The following PHF14 variants were observed in gnomAD, a reference collection of about 807,000 sequenced individuals.
The protein encoded by PHF14 is PHD finger protein 14.
In PHF14, 55 loss-of-function variants were observed where a neutral mutation model predicts 117.9. The ratio of observed to expected loss-of-function variants is 0.47; its 90% confidence interval spans 0.38 to 0.58. The LOEUF is 0.58. Among genes scored for constraint, PHF14 ranks in the 20% least tolerant of loss-of-function variants. The pLI, the probability that PHF14 is intolerant of heterozygous loss-of-function variation, is 0.00. For synonymous variants in PHF14, 409 were observed against 368.6 expected (o/e 1.11, Z -1.26); for missense variants, 978 against 1,122.2 (o/e 0.87, Z 1.84).
chr7:11,011,168 G>A (rs764200389), intron 4 of PHF14, among the ~76,000 whole-genome samples: 6 of 152,018 alleles, frequency 3.9e-5, no homozygotes, highest in African/African-American at 1.2e-4. Context: ...ATATAATGAC[G>A]TCTAGTTAAT....
intron 3 of PHF14, among the ~76,000 whole-genome samples, chr7:10,988,873 C>T (rs979763720): frequency 8.6e-5 from 13 of 151,948 alleles, no homozygotes; most frequent in Admixed American, 6.6e-4. Context: ...ATTACAGCTT[C>T]GAGGTTCAGT....
intron 16 of PHF14, among the ~76,000 whole-genome samples, chr7:11,093,931 T>A (rs1452766286): frequency 6.8e-6 from 1 of 147,958 alleles, no homozygotes; most frequent in Non-Finnish European, 1.5e-5. Context: ...GAGTAGAGGA[T>A]TTTTTTTTCC....
chr7:11,114,953 C>G (rs1179873558), intron 17 of PHF14, among the ~76,000 whole-genome samples: 1 of 151,892 alleles, frequency 6.6e-6, no homozygotes, highest in African/African-American at 2.4e-5. Context: ...TTGTGAAAAT[C>G]CTATTGTTAA....
intron 3 of PHF14, among the ~76,000 whole-genome samples, chr7:10,989,616 T>A (rs975356430): frequency 1.3e-5 from 2 of 152,158 alleles, no homozygotes; most frequent in Non-Finnish European, 2.9e-5. Context: ...AAATATTAGT[T>A]TATTAATACG....
intron 17 of PHF14, among the ~76,000 whole-genome samples, chr7:11,153,959 G>T (rs1788773848): frequency 6.6e-6 from 1 of 151,974 alleles, no homozygotes; most frequent in African/African-American, 2.4e-5. Flanking sequence ...GTGTGTGTGT[G>T]TGTGTGTGTG....
chr7:10,974,178 G>A lies in PHF14; in HGVS notation c.-146G>A. On this transcript the variant is annotated 5_prime_UTR_variant, in exon 1 of 18. Transcript: ENST00000634607. The stretch of plus-strand genomic sequence containing the variant: ...GGGGACCGCGGGGCTACTCTTGGGA[G>A]CGCCCCTGTCCGGCTGGCTGCGCGC... The A allele has an allele frequency of 2.8e-6, 2 of 702,778 alleles. No homozygotes were observed. The highest frequency in any genetic ancestry group is 5.0e-6 in the Non-Finnish European group (2 of 401,420). 43.5% of individuals were successfully genotyped at this position (702,778 alleles called of 1,614,324 possible).
At chr7:11,093,769 T>G (rs1786737739) in intron 16 of PHF14, among the ~76,000 whole-genome samples, 2 of 152,160 alleles carry the variant, frequency 1.3e-5, no homozygotes, top group African/African-American at 4.8e-5. Flanking sequence ...TTTTCATTGT[T>G]CTCTGCCCTT....
intron 10 of PHF14, among the ~76,000 whole-genome samples, chr7:11,037,574 G>A (rs961053634): frequency 2.6e-5 from 4 of 151,928 alleles, no homozygotes; most frequent in Admixed American, 6.6e-5. Context: ...TATTTATCTT[G>A]AATTATATTA....
At position 11,081,516 on chromosome 7, in the gene PHF14, G is replaced by A. The variant is rs981293965; in HGVS notation, c.2654+19431G>A. Among the ~76,000 whole-genome samples, 4 of 152,262 alleles carry A rather than the reference G, an allele frequency of 2.6e-5. No individual in the cohort carries two copies. The East Asian group carries it at 5.8e-4, about 22-fold the overall frequency. On this transcript the variant is annotated intron_variant, in intron 16 of 17. Transcript: ENST00000634607. The stretch of plus-strand genomic sequence containing the variant: ...CTTATTCAGCCATTTTTTAAAAAGA[G>A]TATTTCCTGTGTGGGAAAACATTTA...
Position 11,051,683 on chromosome 7 carries a change from A to G in PHF14, c.2384A>G (p.Asp795Gly), listed in dbSNP as rs1172545539. The change falls in exon 14 of 18, where the codon GAT becomes GGT. Residue 795 changes from aspartate (D) to glycine (G), a missense_variant. Coordinates refer to ENST00000634607, the MANE Select transcript of PHF14 (RefSeq NM_001007157.2). ...EADMAMETLP[D>G]GTKRSRRQIK... ...GATATGGCCATGGAAACCCTACCAG[A>G]TGGAACCAAACGATCAAGGAGGCAG... 6.2e-7 allele frequency: 1 copy of G among 1,613,774 alleles called. No homozygotes were observed. The highest frequency in any genetic ancestry group is 2.2e-5 in the East Asian group (1 of 44,840).
At chr7:11,127,168 G>A (rs1296115718) in intron 17 of PHF14, among the ~76,000 whole-genome samples, 1 of 151,200 alleles carries the variant, frequency 6.6e-6, no homozygotes, top group Non-Finnish European at 1.5e-5. Context: ...TCTATTCTCA[G>A]CAGCTCAGAC....
At position 11,111,443 on chromosome 7, in the gene PHF14, G is replaced by C; in HGVS notation, c.2748G>C (p.Gln916His). Reference sequence around the variant, plus strand: ...AGACAGGCTACGGATGGATATGTCAGGAATGTGATTCTTCATCTTCCAAGG... The same window carrying C: ...AGACAGGCTACGGATGGATATGTCACGAATGTGATTCTTCATCTTCCAAGG... ...PKQTGYGWIC[Q>H]ECDSSSSKED... The change falls in exon 17 of 18, where the codon CAG becomes CAC. Residue 916 changes from glutamine to histidine, a missense_variant. Around this residue, in one of 7 missense-constraint regions of PHF14, gnomAD observed 180 missense variants for 195.4 expected, o/e 0.92. Transcript: ENST00000634607. 1 of 1,592,462 alleles carries C rather than the reference G, an allele frequency of 6.3e-7. No homozygotes were observed. The highest frequency in any genetic ancestry group is 8.6e-7 in the Non-Finnish European group (1 of 1,162,960).
At chr7:11,026,899 G>A (rs1369498694) in intron 6 of PHF14, among the ~76,000 whole-genome samples, 1 of 152,022 alleles carries the variant, frequency 6.6e-6, no homozygotes, top group Non-Finnish European at 1.5e-5. Flanking sequence ...TGGCTTCTCT[G>A]CAAAATCAGA....
At chr7:11,020,993 G>T (rs1381016876) in intron 5 of PHF14, among the ~76,000 whole-genome samples, 1 of 152,160 alleles carries the variant, frequency 6.6e-6, no homozygotes, top group Non-Finnish European at 1.5e-5. Context: ...TGAAAATAAC[G>T]TACTTGACGT....
At chr7:11,154,597 A>G (rs1788789808) in intron 17 of PHF14, among the ~76,000 whole-genome samples, 1 of 152,170 alleles carries the variant, frequency 6.6e-6, no homozygotes, top group African/African-American at 2.4e-5. Context: ...TATTGTTTTC[A>G]TATCAGTTGG....
At chr7:11,136,142 C>G (rs1278924211) in intron 17 of PHF14, among the ~76,000 whole-genome samples, 1 of 152,112 alleles carries the variant, frequency 6.6e-6, no homozygotes, top group Non-Finnish European at 1.5e-5. Context: ...TAAAATCCTT[C>G]ATTTCTCATC....
chr7:11,089,969 C>G (rs1322022027), intron 16 of PHF14, among the ~76,000 whole-genome samples: 1 of 152,112 alleles, frequency 6.6e-6, no homozygotes, highest in Non-Finnish European at 1.5e-5. Flanking sequence ...CGGGGTTTCT[C>G]CATGTTGGTC....
rs1012658681 is a variant in PHF14, at chr7:11,080,248, C to T, written c.2654+18163C>T. 3.3e-5 allele frequency among the ~76,000 whole-genome samples: 5 copies of T among 152,016 alleles called. No homozygotes were observed. The East Asian group carries it at 5.8e-4, about 18-fold the overall frequency. On this transcript the variant is annotated intron_variant, in intron 16 of 17. Coordinates refer to ENST00000634607, the MANE Select transcript of PHF14 (RefSeq NM_001007157.2). ...TACCTAGGTGTAGGCCCTGTCACAT[C>T]GTTATTTAAAAAACAATAAAATTTA...
rs905387897 is a variant in PHF14, at chr7:11,097,955, G to T, written c.2655-13395G>T. On this transcript the variant is annotated intron_variant, in intron 16 of 17. Transcript: ENST00000634607. The stretch of plus-strand genomic sequence containing the variant: ...TGTATGTGTGTGTGTAGATAGGAGG[G>T]AGTGTATTTGAAGCTATATATTACC... 4.6e-5 allele frequency among the ~76,000 whole-genome samples: 7 copies of T among 151,964 alleles called. No homozygotes were observed. The South Asian group carries it at 1.2e-3, about 27-fold the overall frequency.
Sources: allele counts gnomAD v4.1 joint callset (sites outside exome capture counted in the v4.1 genomes callset), GRCh38; gene constraint gnomAD v4.1.1; regional missense constraint gnomAD v4.1.1; transcripts MANE v1.5; gene names NCBI Gene and HGNC (gene_info 2026-07-23, HGNC 2026-07-21).